RYR2: variants seen among roughly 807,000 people sequenced by gnomAD.
RYR2 encodes the protein cardiac muscle ryanodine receptor-calcium release channel.
A neutral mutation model predicts 601.1 loss-of-function variants in RYR2; 227 were observed. The ratio of observed to expected loss-of-function variants is 0.38; its 90% CI spans 0.34 to 0.42. The LOEUF (loss-of-function observed/expected upper bound fraction) is 0.42. Among genes scored for constraint, RYR2 ranks in the 10% least tolerant of loss-of-function variants. RYR2 has a pLI of 1.00. For missense variants in RYR2, 4,646 were observed against 6,156.5 expected (o/e 0.75, Z 8.21); for synonymous variants, 2,223 against 2,175.1 (o/e 1.02, Z -0.61).
intron 16 of RYR2, among the ~76,000 whole-genome samples, chr1:237,461,601 A>G (rs1343018725): frequency 2.0e-5 from 3 of 152,130 alleles, no homozygotes; most frequent in Non-Finnish European, 4.4e-5. Flanking sequence ...TTGATATTAT[A>G]TTTTTCATTA....
intron 74 of RYR2, 32 bp downstream of exon 74, chr1:237,723,294 C>T (rs780993580): frequency 1.9e-6 from 3 of 1,574,378 alleles, no homozygotes. Context: ...ATCATATTTG[C>T]CTTAGCCACA....
intron 63 of RYR2, among the ~76,000 whole-genome samples, chr1:237,688,304 C>A: frequency 6.6e-6 from 1 of 151,808 alleles, no homozygotes; most frequent in African/African-American, 2.4e-5. Context: ...GAATGTATTG[C>A]TAGAGGTATT....
At chr1:237,107,528 A>T (rs1668868749) in intron 1 of RYR2, among the ~76,000 whole-genome samples, 1 of 149,242 alleles carries the variant, frequency 6.7e-6, no homozygotes, top group Admixed American at 6.7e-5. Context: ...TCAAAAAAAA[A>T]AAAAAAAAGG....
At chr1:237,135,303 C>T (rs1221511206) in intron 1 of RYR2, among the ~76,000 whole-genome samples, 1 of 151,532 alleles carries the variant, frequency 6.6e-6, no homozygotes, top group Non-Finnish European at 1.5e-5. Flanking sequence ...AGAAGTTTCT[C>T]ATTGTTCTCC....
intron 2 of RYR2, among the ~76,000 whole-genome samples, chr1:237,289,217 A>G (rs968566962): frequency 3.9e-5 from 6 of 151,956 alleles, no homozygotes; most frequent in African/African-American, 9.7e-5. Context: ...TCCTCTCGGG[A>G]TTGCTGGTTT....
chr1:237,631,593 T>G (rs972609365), intron 42 of RYR2, 52 bp downstream of exon 42: 39 of 827,726 alleles, frequency 4.7e-5, no homozygotes, highest in Non-Finnish European at 7.0e-5. Flanking sequence ...CTGGAGTATA[T>G]AGATTGATAT....
intron 29 of RYR2, among the ~76,000 whole-genome samples, chr1:237,585,740 A>C (rs1262555666): frequency 6.6e-6 from 1 of 152,224 alleles, no homozygotes; most frequent in Non-Finnish European, 1.5e-5. Flanking sequence ...AAAATATGCT[A>C]GTTTCTACCT....
chr1:237,735,768 T>C (rs1691086196), intron 79 of RYR2, among the ~76,000 whole-genome samples: 1 of 152,190 alleles, frequency 6.6e-6, no homozygotes, highest in Admixed American at 6.5e-5. Context: ...TAATACCTAA[T>C]ACAATGTAAA....
intron 68 of RYR2, 125 bp downstream of exon 68, chr1:237,707,394 G>A: frequency 1.9e-6 from 1 of 532,660 alleles, no homozygotes; most frequent in Non-Finnish European, 3.1e-6. Context: ...AAAAATATTA[G>A]TATTTGTCAT....
chr1:237,113,641 G>C (rs1669742600), intron 1 of RYR2, among the ~76,000 whole-genome samples: 1 of 152,108 alleles, frequency 6.6e-6, no homozygotes, highest in Non-Finnish European at 1.5e-5. Flanking sequence ...CATCATCAAT[G>C]TGTGAGGAAC....
At position 237,628,025 on chromosome 1, in the gene RYR2, C is replaced by A; in HGVS notation, c.6385C>A (p.Leu2129Met). Residue 2129 changes from leucine (L) to methionine (M), a missense_variant, in exon 41 of 105, where the codon CTG (leucine) becomes ATG (methionine). Physicochemically the swap from Leu to Met is conservative, Grantham distance 15. Coordinates refer to ENST00000366574, the MANE Select transcript of RYR2 (RefSeq NM_001035.3). ...LLASLGQIRS[L>M]LSVRMGKEEE... ...GGCATCCCTTGGTCAGATTCGGTCC[C>A]TGCTGAGTGTGAGAATGGGCAAAGA... 6.2e-7 allele frequency: 1 copy of A among 1,613,894 alleles called. No homozygotes were observed. Among genetic ancestry groups the A allele is most frequent in the Non-Finnish European group, 8.5e-7 (1 of 1,179,892 alleles).
rs770238369 is a variant in RYR2, at chr1:237,073,865, T to TAAA, written c.48+31296_48+31297insAAA. ...CAGCCTGGGCGACAGAGACTCCATC[T>TAAA]TAAAAAAAAAAAAAAAAAAGCTTCA... On this transcript the variant is annotated intron_variant, in intron 1 of 104. Transcript: ENST00000366574. Among the ~76,000 whole-genome samples, 58 of 88,070 alleles carry TAAA rather than the reference T, an allele frequency of 6.6e-4. 5 individuals carry two copies. Among genetic ancestry groups the TAAA allele is most frequent in the Non-Finnish European group, 8.5e-4 (33 of 38,922 alleles). The allele number at this position is 88,070 out of a possible 152,430, so 57.8% of individuals were successfully genotyped here. A position where few individuals can be genotyped will look rare whatever the true frequency, so the allele number is the denominator to read the frequency against.
chr1:237,221,004 G>C (rs1683742799), intron 1 of RYR2, among the ~76,000 whole-genome samples: 1 of 152,062 alleles, frequency 6.6e-6, no homozygotes, highest in South Asian at 2.1e-4. Context: ...GCTGAGGCAG[G>C]AGAATGGCTT....
intron 84 of RYR2, among the ~76,000 whole-genome samples, chr1:237,770,055 G>A (rs1050930733): frequency 2.0e-5 from 3 of 152,092 alleles, no homozygotes; most frequent in African/African-American, 7.2e-5. Context: ...ATGATGCAGA[G>A]GAACTTCTGT....
chr1:237,442,395 TAG>T lies in RYR2; in HGVS notation c.1170+915_1170+916del, dbSNP rs140620861. ...AATAACCATCCACATACCCTTGAAT[TAG>T]AGTCAACAATTATTATAGTTAGCCA... On this transcript the variant is annotated intron_variant, in intron 13 of 104. Transcript: ENST00000366574. Among the ~76,000 whole-genome samples, 947 of 152,330 alleles carry T rather than the reference TAG, an allele frequency of 6.2e-3. 8 individuals carry two copies. Among genetic ancestry groups the T allele is most frequent in the African/African-American group, 0.022 (899 of 41,574 alleles).
chr1:237,269,038 T>C (rs1689401928), intron 1 of RYR2, among the ~76,000 whole-genome samples: 2 of 98,356 alleles, frequency 2.0e-5, no homozygotes, highest in African/African-American at 7.5e-5. Context: ...TTATATAGCA[T>C]ATTCTTTTTT....
intron 1 of RYR2, among the ~76,000 whole-genome samples, chr1:237,148,715 T>G (rs1674360695): frequency 6.6e-6 from 1 of 151,882 alleles, no homozygotes; most frequent in Non-Finnish European, 1.5e-5. Flanking sequence ...TTTCTGGCTG[T>G]GTGGGTTTTG....
chr1:237,792,083 T>G (rs1487285362), intron 93 of RYR2, 22 bp from the exon 94 acceptor site: 1 of 1,542,776 alleles, frequency 6.5e-7, no homozygotes, highest in African/African-American at 1.4e-5. Flanking sequence ...AAACTGACTC[T>G]ACTTTAAATG....
intron 29 of RYR2, among the ~76,000 whole-genome samples, chr1:237,583,610 T>C (rs1674176192): frequency 6.6e-6 from 1 of 152,196 alleles, no homozygotes; most frequent in African/African-American, 2.4e-5. Flanking sequence ...CATATAATAT[T>C]GGTCATTTTT....
Sources: allele counts gnomAD v4.1 joint callset (sites outside exome capture counted in the v4.1 genomes callset), GRCh38; gene constraint gnomAD v4.1.1; transcripts MANE v1.5; gene names NCBI Gene and HGNC (gene_info 2026-07-23, HGNC 2026-07-21).